Variants in ANTXR2 observed in about 807,000 individuals in gnomAD.
The protein encoded by ANTXR2 is anthrax toxin receptor 2.
In ANTXR2, 44 loss-of-function variants were observed where a neutral mutation model predicts 73.7. The ratio of observed to expected loss-of-function variants is 0.60; its 90% CI spans 0.47 to 0.77. ANTXR2 has a LOEUF of 0.77. Ranked by LOEUF, ANTXR2 falls within the 30% of genes least tolerant of loss-of-function variation. The pLI is 0.00. For synonymous variants in ANTXR2, 217 were observed against 205.9 expected, an observed-to-expected ratio of 1.05 and a Z score of -0.46; for missense variants, 604 against 592.5, an observed-to-expected ratio of 1.02 and a Z score of -0.20.
intron 13 of ANTXR2, among the ~76,000 whole-genome samples, chr4:79,984,305 T>C (rs751756398): frequency 6.6e-6 from 1 of 152,192 alleles, no homozygotes; most frequent in African/African-American, 2.4e-5. Flanking sequence ...TAGGACAGCA[T>C]TTTAACAGTC....
In ANTXR2 at chr4:80,001,865, T is replaced by C. The variant is rs1383205296; in HGVS notation, c.1041+6656A>G. On this transcript the variant is annotated intron_variant, in intron 12 of 16. Coordinates refer to ENST00000403729, the MANE Select transcript of ANTXR2 (RefSeq NM_058172.6). ...AATTCTGTTTTATCAGAGACTAGGA[T>C]TGCAACCCCTGCCTTTTTTTGTTTT... Among the ~76,000 whole-genome samples, 5 of 151,382 alleles carry C rather than the reference T, an allele frequency of 3.3e-5. No homozygotes were observed. The Admixed American group carries it at 3.3e-4, about 10-fold the overall frequency.
At chr4:80,009,796 G>A (rs1302530101) in intron 11 of ANTXR2, among the ~76,000 whole-genome samples, 5 of 149,658 alleles carry the variant, frequency 3.3e-5, no homozygotes, top group African/African-American at 9.9e-5. Context: ...GCCATGAGCC[G>A]AGATTGCACC....
chr4:80,007,069 C>T (rs1454900466), intron 12 of ANTXR2, among the ~76,000 whole-genome samples: 1 of 152,110 alleles, frequency 6.6e-6, no homozygotes, highest in Non-Finnish European at 1.5e-5. Flanking sequence ...CAGGATGCGT[C>T]TTGTCTCTAC....
chr4:79,922,027 A>G (rs1727612299), intron 16 of ANTXR2, among the ~76,000 whole-genome samples: 1 of 152,106 alleles, frequency 6.6e-6, no homozygotes, highest in African/African-American at 2.4e-5. Flanking sequence ...ATATGTTTTA[A>G]TAACATATAC....
chr4:79,976,924 T>A (rs1273610261), intron 16 of ANTXR2, among the ~76,000 whole-genome samples: 1 of 152,242 alleles, frequency 6.6e-6, no homozygotes. Context: ...TATCCATTGT[T>A]ACATATGAAA....
At chr4:80,051,800 A>G (rs1733785044) in intron 7 of ANTXR2, among the ~76,000 whole-genome samples, 1 of 151,638 alleles carries the variant, frequency 6.6e-6, no homozygotes, top group Non-Finnish European at 1.5e-5. Flanking sequence ...TTTAACTACC[A>G]TGAAGAAAGG....
At chr4:80,065,215 C>T (rs1393314529) in intron 3 of ANTXR2, among the ~76,000 whole-genome samples, 2 of 152,116 alleles carry the variant, frequency 1.3e-5, no homozygotes, top group African/African-American at 4.8e-5. Context: ...ATTCACTATC[C>T]CCAATTATGC....
intron 3 of ANTXR2, among the ~76,000 whole-genome samples, chr4:80,067,976 A>T (rs1734587189): frequency 6.6e-6 from 1 of 152,326 alleles, no homozygotes; most frequent in East Asian, 1.9e-4. Flanking sequence ...GTATCCCAGA[A>T]CTTAAAATTA....
chr4:80,042,715 G>T (rs1253504866), intron 7 of ANTXR2, among the ~76,000 whole-genome samples: 2 of 151,982 alleles, frequency 1.3e-5, no homozygotes, highest in Non-Finnish European at 2.9e-5. Flanking sequence ...AAATAACTGT[G>T]CATGGAAATT....
chr4:79,956,807 TG>T (rs1560903925), intron 16 of ANTXR2, among the ~76,000 whole-genome samples: 2 of 151,908 alleles, frequency 1.3e-5, no homozygotes, highest in African/African-American at 4.8e-5. Context: ...ATAGAAGCAT[TG>T]GAAGTATTGG....
At chr4:80,022,310 T>C (rs1024246397) in intron 10 of ANTXR2, among the ~76,000 whole-genome samples, 2 of 152,224 alleles carry the variant, frequency 1.3e-5, no homozygotes, top group African/African-American at 2.4e-5. Flanking sequence ...TGTATAGATA[T>C]ATGTATTCTG....
intron 3 of ANTXR2, among the ~76,000 whole-genome samples, chr4:80,064,651 C>A (rs1218515766): frequency 6.6e-6 from 1 of 152,182 alleles, no homozygotes; most frequent in Admixed American, 6.5e-5. Context: ...CCAGGCAAGG[C>A]TTCTCAGAAG....
intron 16 of ANTXR2, among the ~76,000 whole-genome samples, chr4:79,924,764 A>G (rs4690126): frequency 0.22 from 32,981 of 152,060 alleles, 4,509 homozygotes; most frequent in East Asian, 0.7. Flanking sequence ...AATCTCTGCT[A>G]TAGTTTTTAA....
chr4:80,015,923 AAAAGG>A (rs1184169438), intron 11 of ANTXR2, among the ~76,000 whole-genome samples: 1,032 of 36,772 alleles, frequency 0.028, 64 homozygotes, highest in East Asian at 0.099. Context: ...AAGGAAAGGA[AAAAGG>A]AAAGGAAAGG....
chr4:79,907,061 T>A lies in ANTXR2; in HGVS notation c.*368A>T. On this transcript the variant is annotated 3_prime_UTR_variant, in exon 17 of 17. Coordinates refer to ENST00000403729, the MANE Select transcript of ANTXR2 (RefSeq NM_058172.6). ...ACTCCTGTCTCCCATCATGGCTAGT[T>A]GTTTTGTGGTCCTTGTTTTGGTATC... The A allele has an allele frequency of 3.9e-6, 1 of 258,840 alleles. No individual in the cohort carries two copies. Among genetic ancestry groups the A allele is most frequent in the Non-Finnish European group, 7.3e-6 (1 of 137,752 alleles). The allele number at this position is 258,840 out of a possible 1,614,324, so 16.0% of individuals were successfully genotyped here.
chr4:79,973,510 C>G (rs752759469), intron 16 of ANTXR2, among the ~76,000 whole-genome samples: 149 of 151,934 alleles, frequency 9.8e-4, no homozygotes, highest in Non-Finnish European at 1.5e-3. Context: ...CTACTGCAAC[C>G]TTCACCTCCT....
chr4:80,003,140 A>G (rs1731133129), intron 12 of ANTXR2, among the ~76,000 whole-genome samples: 1 of 152,176 alleles, frequency 6.6e-6, no homozygotes. Flanking sequence ...TACACACAAT[A>G]GCAAAGACTT....
intron 7 of ANTXR2, among the ~76,000 whole-genome samples, chr4:80,053,416 A>G (rs2110106094): frequency 6.6e-6 from 1 of 151,870 alleles, no homozygotes; most frequent in South Asian, 2.1e-4. Context: ...TACTAAAAAC[A>G]AATACAATAA....
intron 14 of ANTXR2, among the ~76,000 whole-genome samples, chr4:79,981,943 G>A (rs900340361): frequency 3.9e-5 from 6 of 152,126 alleles, no homozygotes; most frequent in Non-Finnish European, 7.4e-5. Flanking sequence ...CTTGAAACTT[G>A]AATTATAGGT....
Sources: allele counts gnomAD v4.1 joint callset (sites outside exome capture counted in the v4.1 genomes callset), GRCh38; gene constraint gnomAD v4.1.1; transcripts MANE v1.5; gene names NCBI Gene and HGNC (gene_info 2026-07-23, HGNC 2026-07-21).